UGGT1: variants seen among roughly 807,000 people sequenced by gnomAD.
UGGT1 encodes UDP-glucose glycoprotein glucosyltransferase 1.
A neutral mutation model predicts 203.9 loss-of-function variants in UGGT1; 107 were observed. That is an observed-to-expected ratio of 0.52 (90% confidence interval 0.45 to 0.62). The LOEUF (loss-of-function observed/expected upper bound fraction) is 0.62. Ranked by LOEUF, UGGT1 falls within the 20% of genes least tolerant of loss-of-function variation. The pLI, the probability that UGGT1 is intolerant of heterozygous loss-of-function variation, is 0.00. For missense variants in UGGT1, 1,673 were observed against 1,867.2 expected, an observed-to-expected ratio of 0.90 and a Z score of 1.92; for synonymous variants, 628 against 653.5, an observed-to-expected ratio of 0.96 and a Z score of 0.59.
At chr2:128,141,835 TA>T (rs1689444388) in intron 16 of UGGT1, among the ~76,000 whole-genome samples, 1 of 151,556 alleles carries the variant, frequency 6.6e-6, no homozygotes, top group South Asian at 2.1e-4. Context: ...ATCAAATAAA[TA>T]ATACTGGAGT....
chr2:128,187,343 C>A, intron 39 of UGGT1, 106 bp from the exon 40 acceptor site: 2 of 1,264,008 alleles, frequency 1.6e-6, no homozygotes, highest in Non-Finnish European at 2.2e-6. Context: ...TGGTTCCTTA[C>A]TATTGTTTTC....
rs1293338104 is a variant in UGGT1, at chr2:128,195,319, A to G, written c.*5577A>G. On this transcript the variant is annotated 3_prime_UTR_variant, in exon 41 of 41. Coordinates refer to ENST00000259253, the MANE Select transcript of UGGT1 (RefSeq NM_020120.4). ...GAAATGGGCATAACGTCTCTTAACA[A>G]CAACAGCAGAAAGCAAAATACATTA... The G allele has an allele frequency of 6.6e-6, 1 of 152,252 alleles. No individual in the cohort carries two copies. The highest frequency in any genetic ancestry group is 1.5e-5 in the Non-Finnish European group (1 of 68,044). The allele number at this position is 152,252 out of a possible 1,614,324, so 9.4% of individuals were successfully genotyped here.
At chr2:128,135,469 A>G (rs1170187657) in intron 15 of UGGT1, among the ~76,000 whole-genome samples, 3 of 152,216 alleles carry the variant, frequency 2.0e-5, no homozygotes, top group African/African-American at 7.2e-5. Context: ...TTTTACATAT[A>G]AATGCTAAGA....
intron 6 of UGGT1, among the ~76,000 whole-genome samples, chr2:128,114,895 T>C (rs1688028912): frequency 6.6e-6 from 1 of 152,248 alleles, no homozygotes; most frequent in South Asian, 2.1e-4. Flanking sequence ...TAATGGTAGA[T>C]ACGTGCTTTT....
In UGGT1 at chr2:128,176,683, T is replaced by C. The variant is rs575124247; in HGVS notation, c.3540-131T>C. ...TGCTTCTGTGCAGCTCGAAGGAGCT[T>C]AAGGAGCAAGAAGATAGCTGGATCT... On this transcript the variant is annotated intron_variant, in intron 31 of 40. Transcript: ENST00000259253. 1.4e-5 allele frequency: 12 copies of C among 850,310 alleles called. No individual in the cohort carries two copies. In the South Asian group the frequency reaches 1.9e-4, roughly 14 times the overall value. 52.7% of individuals were successfully genotyped at this position (850,310 alleles called of 1,614,324 possible).
At chr2:128,100,346 A>G (rs1382322947) in intron 2 of UGGT1, among the ~76,000 whole-genome samples, 1 of 151,812 alleles carries the variant, frequency 6.6e-6, no homozygotes, top group East Asian at 1.9e-4. Flanking sequence ...GCCAAGATTT[A>G]CTATCACTTT....
Position 128,161,259 on chromosome 2 carries a change from A to G in UGGT1, c.2816A>G (p.Glu939Gly), listed in dbSNP as rs747226307. 23 of 1,613,446 alleles carry G rather than the reference A, an allele frequency of 1.4e-5. No individual in the cohort carries two copies. The East Asian group carries it at 1.6e-4, about 11-fold the overall frequency. The change falls in exon 25 of 41, where the codon GAA becomes GGA. Residue 939 changes from glutamate (E) to glycine (G), a missense_variant. Glu to Gly is a moderately conservative substitution (Grantham distance 98). This residue lies in a region of UGGT1 where 1,073 missense variants were observed against 1,078.7 expected (regional missense o/e 0.99). Coordinates refer to ENST00000259253, the MANE Select transcript of UGGT1 (RefSeq NM_020120.4). ...TCTCATATTCAACAGCTTCGGGTAG[A>G]AGAAGATGTGTAAGTTTTGCCATAG... ...IKSHIQQLRV[E>G]EDVASDLVMK...
At chr2:128,131,489 G>A (rs1426413856) in intron 13 of UGGT1, among the ~76,000 whole-genome samples, 1 of 152,032 alleles carries the variant, frequency 6.6e-6, no homozygotes, top group Admixed American at 6.6e-5. Flanking sequence ...TGGACATGAA[G>A]TTGTTTCTGA....
chr2:128,127,555 C>T (rs1284696509), intron 12 of UGGT1, 103 bp downstream of exon 12: 1 of 878,456 alleles, frequency 1.1e-6, no homozygotes, highest in African/African-American at 1.7e-5. Context: ...GATGCAAAGT[C>T]TGATGGCTTA....
intron 1 of UGGT1, among the ~76,000 whole-genome samples, chr2:128,092,931 A>G (rs966138797): frequency 1.4e-4 from 22 of 152,200 alleles, no homozygotes; most frequent in Admixed American, 1.4e-3. Context: ...TCTGTTGGCC[A>G]TTATCTCAGA....
chr2:128,110,366 G>A (rs1687790715), intron 5 of UGGT1, among the ~76,000 whole-genome samples: 1 of 152,108 alleles, frequency 6.6e-6, no homozygotes, highest in African/African-American at 2.4e-5. Flanking sequence ...TACTGCTAAT[G>A]GCAGTTAGGT....
chr2:128,146,614 G>T (rs1028969330), intron 18 of UGGT1, among the ~76,000 whole-genome samples: 1 of 151,836 alleles, frequency 6.6e-6, no homozygotes, highest in African/African-American at 2.4e-5. Flanking sequence ...ATAAAAGTCA[G>T]TCTTTTGAAC....
chr2:128,124,691 A>T (rs1348004815), intron 11 of UGGT1, among the ~76,000 whole-genome samples: 1 of 151,586 alleles, frequency 6.6e-6, no homozygotes, highest in East Asian at 1.9e-4. Context: ...CTTTTTCAAA[A>T]AAAAAAAACA....
chr2:128,171,413 C>T (rs1691095855), intron 28 of UGGT1, 129 bp downstream of exon 28: 1 of 874,778 alleles, frequency 1.1e-6, no homozygotes, highest in African/African-American at 1.7e-5. Context: ...ACTAAATGTT[C>T]AGTTTTGCCA....
chr2:128,120,499 A>C, intron 9 of UGGT1, 43 bp downstream of exon 9: 2 of 1,533,292 alleles, frequency 1.3e-6, no homozygotes, highest in Non-Finnish European at 1.8e-6. Flanking sequence ...TTTTTGGCTA[A>C]GTTTTATGGC....
At chr2:128,104,555 G>A (rs116333523) in intron 3 of UGGT1, among the ~76,000 whole-genome samples, 15 of 152,316 alleles carry the variant, frequency 9.8e-5, no homozygotes, top group African/African-American at 3.6e-4. Context: ...GCTATATAGG[G>A]TGTAAACATT....
intron 2 of UGGT1, among the ~76,000 whole-genome samples, chr2:128,101,690 T>A (rs1470242619): frequency 6.6e-6 from 1 of 152,186 alleles, no homozygotes; most frequent in Non-Finnish European, 1.5e-5. Flanking sequence ...GCAGCTTCTT[T>A]ATTTGAAAAA....
At chr2:128,117,542 T>TA (rs1250591792) in intron 8 of UGGT1, among the ~76,000 whole-genome samples, 1 of 98,514 alleles carries the variant, frequency 1.0e-5, no homozygotes, top group Non-Finnish European at 2.1e-5. Flanking sequence ...TCTTAACTGT[T>TA]ATTCTTTTTT....
intron 20 of UGGT1, 96 bp from the exon 21 acceptor site, chr2:128,156,296 C>T (rs778820688): frequency 3.6e-5 from 33 of 906,708 alleles, no homozygotes; most frequent in Middle Eastern, 2.1e-4. Flanking sequence ...AACCATAGAC[C>T]GTGTTAGCCA....
Sources: gnomAD v4.1 joint callset for allele counts (sites outside exome capture counted in the v4.1 genomes callset) on GRCh38, gnomAD v4.1.1 for gene constraint, gnomAD v4.1.1 regional missense constraint, MANE v1.5 for transcripts, NCBI Gene and HGNC (gene_info 2026-07-23, HGNC 2026-07-21) for gene names.